Variants in PCDHA11 observed in about 807,000 individuals in gnomAD.
PCDHA11 encodes protocadherin alpha 11.
A neutral mutation model predicts 70.3 loss-of-function variants in PCDHA11; 61 were observed. The observed-to-expected ratio is 0.87, with a 90% CI of 0.71 to 1.07. The LOEUF (loss-of-function observed/expected upper bound fraction) is 1.07, where lower values mean the gene tolerates loss of function less well. PCDHA11 is among the 50% of genes least tolerant of loss of function. The pLI is 0.00. For missense variants in PCDHA11, 1,324 were observed against 1,237.5 expected, an observed-to-expected ratio of 1.07 and a Z score of -1.05; for synonymous variants, 633 against 555.1, an observed-to-expected ratio of 1.14 and a Z score of -1.97.
chr5:140,998,708 G>A (rs2153953637), intron 3 of PCDHA11, among the ~76,000 whole-genome samples: 1 of 152,142 alleles, frequency 6.6e-6, no homozygotes, highest in South Asian at 2.1e-4. Context: ...GGGATTACAA[G>A]CTTGCACCAC....
At chr5:140,968,017 C>A in intron 1 of PCDHA11, 1 of 1,614,216 alleles carries the variant, frequency 6.2e-7, no homozygotes, top group South Asian at 1.1e-5. Flanking sequence ...GCTTTGGAAA[C>A]TCCTATACAC....
chr5:140,898,148 A>C lies in PCDHA11; in HGVS notation c.2391+26654A>C, dbSNP rs532668918. On this transcript the variant is annotated intron_variant, in intron 1 of 3. Coordinates refer to ENST00000398640, the MANE Select transcript of PCDHA11 (RefSeq NM_018902.5). ...CTCCCATTTTGTAGGTTGCCTGTTC[A>C]CGCTGATGGTGGTTTCTTTTGCTGT... Among the ~76,000 whole-genome samples, 1,044 of 152,230 alleles carry C rather than the reference A, an allele frequency of 6.9e-3. 8 individuals are homozygous for C. The highest frequency in any genetic ancestry group is 0.024 in the African/African-American group (1,010 of 41,492).
At chr5:140,978,740 A>G (rs2096821027) in intron 1 of PCDHA11, among the ~76,000 whole-genome samples, 1 of 152,254 alleles carries the variant, frequency 6.6e-6, no homozygotes, top group Non-Finnish European at 1.5e-5. Flanking sequence ...CTTCCAGGGT[A>G]TCTAATCTGT....
intron 1 of PCDHA11, among the ~76,000 whole-genome samples, chr5:140,946,098 A>G (rs1249581075): frequency 6.6e-6 from 1 of 152,114 alleles, no homozygotes; most frequent in Non-Finnish European, 1.5e-5. Flanking sequence ...AGGAGTTAAC[A>G]TACCAAATAT....
chr5:140,944,871 C>T (rs1370417254), intron 1 of PCDHA11, among the ~76,000 whole-genome samples: 1 of 152,110 alleles, frequency 6.6e-6, no homozygotes, highest in Non-Finnish European at 1.5e-5. Flanking sequence ...ATCTTAACCA[C>T]CTACTCCACT....
rs137969621 is a variant in PCDHA11, at chr5:140,884,072, G to T, written c.2391+12578G>T. The T allele has an allele frequency of 9.1e-5, 147 of 1,613,476 alleles. 1 individual carries two copies. In the African/African-American group the frequency reaches 1.7e-3, roughly 19 times the overall value. On this transcript the variant is annotated intron_variant, in intron 1 of 3. Coordinates refer to ENST00000398640, the MANE Select transcript of PCDHA11 (RefSeq NM_018902.5). ...GGTGCGCGCGGTGGACGCCGATTCGGGCTACAATGCGTGGCTTTCGTATGA... is the reference window on the plus strand; with the variant it reads ...GGTGCGCGCGGTGGACGCCGATTCGTGCTACAATGCGTGGCTTTCGTATGA...
chr5:140,974,396 G>C (rs1413050341), intron 1 of PCDHA11, among the ~76,000 whole-genome samples: 1 of 152,178 alleles, frequency 6.6e-6, no homozygotes, highest in Admixed American at 6.5e-5. Context: ...CATTAGGTAT[G>C]TTCTAAAGTT....
chr5:141,009,330 G>A (rs1355837607), intron 3 of PCDHA11, among the ~76,000 whole-genome samples: 2 of 152,192 alleles, frequency 1.3e-5, no homozygotes, highest in African/African-American at 2.4e-5. Context: ...ATGGGAGCTT[G>A]TGCCTGTAGT....
intron 1 of PCDHA11, among the ~76,000 whole-genome samples, chr5:140,937,175 C>A: frequency 6.6e-6 from 1 of 151,650 alleles, no homozygotes; most frequent in Non-Finnish European, 1.5e-5. Context: ...GTAGCTGGGA[C>A]TACAGGCGCC....
intron 1 of PCDHA11, chr5:140,882,203 T>C: frequency 6.5e-7 from 1 of 1,530,090 alleles, no homozygotes; most frequent in East Asian, 2.3e-5. Context: ...AATTGGGCCT[T>C]GAGAGACAGT....
intron 1 of PCDHA11, among the ~76,000 whole-genome samples, chr5:140,951,315 C>A (rs782114634): frequency 6.6e-6 from 1 of 151,988 alleles, no homozygotes; most frequent in Non-Finnish European, 1.5e-5. Context: ...ATGTGTTATT[C>A]TTGAGATTCA....
intron 1 of PCDHA11, among the ~76,000 whole-genome samples, chr5:140,916,356 G>A (rs2077538770): frequency 6.6e-6 from 1 of 152,202 alleles, no homozygotes; most frequent in Admixed American, 6.5e-5. Context: ...TCAAACAGAA[G>A]GAGTCTTTCA....
Position 141,010,227 on chromosome 5 carries a change from C to T in PCDHA11, c.*290C>T. 6.4e-7 allele frequency: 1 copy of T among 1,551,876 alleles called. No homozygotes were observed. The highest frequency in any genetic ancestry group is 8.7e-7 in the Non-Finnish European group (1 of 1,147,036). On this transcript the variant is annotated 3_prime_UTR_variant, in exon 4 of 4. Coordinates refer to ENST00000398640, the MANE Select transcript of PCDHA11 (RefSeq NM_018902.5). ...GCCGCAAAGGAGAGGCTTCCCAGCC[C>T]CGCCAGTGAGAGGTTGGACTCTCTG...
intron 1 of PCDHA11, among the ~76,000 whole-genome samples, chr5:140,900,607 C>T (rs1340239730): frequency 6.6e-6 from 1 of 152,170 alleles, no homozygotes; most frequent in Non-Finnish European, 1.5e-5. Context: ...TGATGATGGA[C>T]ATGTAGATTG....
chr5:140,887,950 A>G (rs1397658604), intron 1 of PCDHA11, among the ~76,000 whole-genome samples: 1 of 152,110 alleles, frequency 6.6e-6, no homozygotes, highest in Non-Finnish European at 1.5e-5. Context: ...TATCTGTATA[A>G]GATTCTTTTT....
intron 1 of PCDHA11, among the ~76,000 whole-genome samples, chr5:140,897,618 T>C: frequency 6.6e-6 from 1 of 152,172 alleles, no homozygotes; most frequent in Non-Finnish European, 1.5e-5. Flanking sequence ...TTCCAAGTCT[T>C]TACTATTGTG....
intron 3 of PCDHA11, among the ~76,000 whole-genome samples, chr5:140,998,827 G>T (rs2097835809): frequency 6.6e-6 from 1 of 152,226 alleles, no homozygotes; most frequent in South Asian, 2.1e-4. Context: ...GCCTCCCAAA[G>T]TGCTGGATTA....
intron 1 of PCDHA11, chr5:140,968,844 G>A: frequency 1.2e-6 from 2 of 1,614,210 alleles, no homozygotes; most frequent in African/African-American, 1.3e-5. Context: ...GACACTCAGA[G>A]GCATGTTAAG....
intron 1 of PCDHA11, among the ~76,000 whole-genome samples, chr5:140,923,065 TCTC>T: frequency 6.6e-6 from 1 of 152,304 alleles, no homozygotes; most frequent in Non-Finnish European, 1.5e-5. Context: ...AAGAGCTAGG[TCTC>T]CTCATGTCAG....
Sources: gnomAD v4.1 joint callset for allele counts (sites outside exome capture counted in the v4.1 genomes callset) on GRCh38, gnomAD v4.1.1 for gene constraint, MANE v1.5 for transcripts, NCBI Gene and HGNC (gene_info 2026-07-23, HGNC 2026-07-21) for gene names.